The following APBB2 variants were observed in gnomAD, a reference collection of about 807,000 sequenced individuals.
APBB2 encodes the protein amyloid beta precursor protein binding family B member 2.
APBB2 carries 38 observed loss-of-function variants against 82.5 expected under a neutral mutation model. The observed-to-expected ratio is 0.46, with a 90% confidence interval of 0.36 to 0.60. APBB2 has a LOEUF of 0.60. APBB2 is among the 20% of genes least tolerant of loss of function. The pLI is 0.00. For missense variants in APBB2, 772 were observed against 972.3 expected, an observed-to-expected ratio of 0.79 and a Z score of 2.74; for synonymous variants, 341 against 368.2, an observed-to-expected ratio of 0.93 and a Z score of 0.85.
At chr4:40,846,427 C>G (rs1165744393) in intron 12 of APBB2, among the ~76,000 whole-genome samples, 1 of 151,694 alleles carries the variant, frequency 6.6e-6, no homozygotes, top group Non-Finnish European at 1.5e-5. Context: ...GAAACTCAAT[C>G]CCAGGTCCCT....
intron 13 of APBB2, 130 bp from the exon 14 acceptor site, chr4:40,827,349 C>T: frequency 1.5e-6 from 1 of 682,144 alleles, no homozygotes; most frequent in East Asian, 2.8e-5. Flanking sequence ...GCCTGAAGTC[C>T]CACCCCTGCA....
At chr4:41,021,927 C>A (rs1291695011) in intron 5 of APBB2, among the ~76,000 whole-genome samples, 2 of 152,174 alleles carry the variant, frequency 1.3e-5, no homozygotes, top group African/African-American at 4.8e-5. Context: ...TTAACACTCA[C>A]TGCAAAGGTC....
rs181025865 is a variant in APBB2, at chr4:41,012,769, T to C, written c.835+814A>G. Among the ~76,000 whole-genome samples the C allele has an allele frequency of 2.1e-3, 325 of 152,300 alleles. 3 individuals are homozygous for C. The highest frequency in any genetic ancestry group is 6.0e-4 in the Non-Finnish European group (41 of 68,012). ...GGACTACTTTTAAAAAATTAGCCTT[T>C]CTGAGTGCTTGTTTACGCTGAATTC... On this transcript the variant is annotated intron_variant, in intron 6 of 17. Transcript: ENST00000508593.
chr4:40,817,305 G>A (rs1746080538), intron 17 of APBB2, among the ~76,000 whole-genome samples: 1 of 152,154 alleles, frequency 6.6e-6, no homozygotes, highest in Non-Finnish European at 1.5e-5. Flanking sequence ...CTACTTGGGA[G>A]GCTGAGGCGG....
intron 15 of APBB2, among the ~76,000 whole-genome samples, chr4:40,824,059 A>T (rs1748986393): frequency 6.6e-6 from 1 of 152,108 alleles, no homozygotes. Flanking sequence ...AATTAGCTGG[A>T]CATGCTTGCT....
At chr4:41,165,867 GCCC>G (rs765642606) in intron 1 of APBB2, among the ~76,000 whole-genome samples, 1 of 140,652 alleles carries the variant, frequency 7.1e-6, no homozygotes. Flanking sequence ...AGCATGTCAG[GCCC>G]CCTTTTTTTT....
At chr4:40,829,376 G>GGAT in intron 13 of APBB2, among the ~76,000 whole-genome samples, 1 of 152,276 alleles carries the variant, frequency 6.6e-6, no homozygotes, top group East Asian at 1.9e-4. Flanking sequence ...CGGGGGTGGT[G>GGAT]GATCTGGAGA....
chr4:40,954,906 C>T (rs1791181681), intron 6 of APBB2, among the ~76,000 whole-genome samples: 1 of 152,194 alleles, frequency 6.6e-6, no homozygotes, highest in African/African-American at 2.4e-5. Context: ...CCGCCTCGGC[C>T]TCCCTAAGTA....
intron 17 of APBB2, among the ~76,000 whole-genome samples, chr4:40,821,530 T>TA (rs1747922369): frequency 6.6e-6 from 1 of 152,222 alleles, no homozygotes; most frequent in Admixed American, 6.5e-5. Context: ...TATTGATTTT[T>TA]AAAGTACTGA....
intron 12 of APBB2, among the ~76,000 whole-genome samples, chr4:40,878,809 A>AT (rs894461776): frequency 3.9e-5 from 6 of 151,946 alleles, no homozygotes; most frequent in African/African-American, 1.5e-4. Flanking sequence ...TATTCTTTCC[A>AT]TTTTAAGTCA....
intron 12 of APBB2, among the ~76,000 whole-genome samples, chr4:40,852,218 G>T (rs999763075): frequency 1.3e-5 from 2 of 151,924 alleles, no homozygotes; most frequent in African/African-American, 2.4e-5. Context: ...GGGCATGGTG[G>T]TGCATGCCTG....
At chr4:40,912,161 G>GA (rs976394682) in intron 10 of APBB2, among the ~76,000 whole-genome samples, 2 of 152,224 alleles carry the variant, frequency 1.3e-5, no homozygotes, top group African/African-American at 4.8e-5. Flanking sequence ...GGAACCTGTG[G>GA]AAAGACATCT....
chr4:41,088,536 T>C (rs1468765127), intron 3 of APBB2, among the ~76,000 whole-genome samples: 1 of 152,184 alleles, frequency 6.6e-6, no homozygotes, highest in Non-Finnish European at 1.5e-5. Context: ...GATCCTGAGA[T>C]AAGAAATGGA....
chr4:40,974,724 A>G (rs1796732117), intron 6 of APBB2, among the ~76,000 whole-genome samples: 1 of 152,136 alleles, frequency 6.6e-6, no homozygotes, highest in Admixed American at 6.6e-5. Flanking sequence ...CTACTGAACG[A>G]CTCACTACTT....
chr4:40,957,163 TA>T (rs1791854367), intron 6 of APBB2, among the ~76,000 whole-genome samples: 1 of 152,260 alleles, frequency 6.6e-6, no homozygotes, highest in Non-Finnish European at 1.5e-5. Flanking sequence ...AATCACTCAG[TA>T]AATGTTTATT....
At chr4:40,940,564 T>C (rs1786610508) in intron 7 of APBB2, among the ~76,000 whole-genome samples, 1 of 152,218 alleles carries the variant, frequency 6.6e-6, no homozygotes, top group African/African-American at 2.4e-5. Flanking sequence ...ATCTTATTTC[T>C]ACATGTATAT....
chr4:41,138,415 G>A (rs1470695542), intron 2 of APBB2, among the ~76,000 whole-genome samples: 7 of 152,110 alleles, frequency 4.6e-5, no homozygotes, highest in Admixed American at 3.9e-4. Context: ...GTATTTCATT[G>A]TTGGGGGGAA....
chr4:41,199,880 A>G (rs1448219679), intron 1 of APBB2, among the ~76,000 whole-genome samples: 1 of 152,176 alleles, frequency 6.6e-6, no homozygotes, highest in African/African-American at 2.4e-5. Flanking sequence ...AAATACATTC[A>G]CCATGCACTG....
chr4:40,833,969 A>C (rs1412579986), intron 12 of APBB2, among the ~76,000 whole-genome samples: 1 of 152,214 alleles, frequency 6.6e-6, no homozygotes, highest in Non-Finnish European at 1.5e-5. Flanking sequence ...TTTAGGCTTA[A>C]CTTTAAAAAA....
Sources: gnomAD v4.1 joint callset for allele counts (sites outside exome capture counted in the v4.1 genomes callset) on GRCh38, gnomAD v4.1.1 for gene constraint, MANE v1.5 for transcripts, NCBI Gene and HGNC (gene_info 2026-07-23, HGNC 2026-07-21) for gene names.